The following SLC2A9 variants were observed in gnomAD, a reference collection of about 807,000 sequenced individuals.
The protein encoded by SLC2A9 is solute carrier family 2, facilitated glucose transporter member 9.
In SLC2A9, 39 loss-of-function variants were observed where a neutral mutation model predicts 50.6. The observed-to-expected ratio is 0.77, with a 90% confidence interval of 0.60 to 1.01. The LOEUF is 1.01. SLC2A9 is among the 50% of genes least tolerant of loss of function. The pLI, the probability that SLC2A9 is intolerant of heterozygous loss-of-function variation, is 0.00. For missense variants in SLC2A9, 686 were observed against 677.6 expected (o/e 1.01, Z -0.14); for synonymous variants, 324 against 276.9 (o/e 1.17, Z -1.69).
intron 5 of SLC2A9, among the ~76,000 whole-genome samples, chr4:9,970,680 T>TA (rs57630133): frequency 0.29 from 42,444 of 147,846 alleles, 7,079 homozygotes; most frequent in African/African-American, 0.46. Context: ...GACACAAAAT[T>TA]AAAAAAAAAA....
At chr4:9,816,042 C>T (rs1012100862) in intron 3 of SLC2A9, among the ~76,000 whole-genome samples, 4 of 152,096 alleles carry the variant, frequency 2.6e-5, no homozygotes, top group South Asian at 2.1e-4. Flanking sequence ...TGGTGGCACA[C>T]GCCTGTAATC....
chr4:9,837,235 T>A (rs550507103), intron 10 of SLC2A9, among the ~76,000 whole-genome samples: 8 of 152,368 alleles, frequency 5.3e-5, no homozygotes, highest in East Asian at 3.9e-4. Context: ...TTTGATATGC[T>A]GTTCACTACA....
chr4:9,974,651 T>C (rs973160603), intron 5 of SLC2A9, among the ~76,000 whole-genome samples: 8 of 152,018 alleles, frequency 5.3e-5, no homozygotes, highest in African/African-American at 7.2e-5. Flanking sequence ...ATTAGAACAA[T>C]CAATATCATT....
chr4:9,906,006 G>A (rs1474902947), intron 8 of SLC2A9, among the ~76,000 whole-genome samples: 7 of 152,208 alleles, frequency 4.6e-5, no homozygotes, highest in Admixed American at 1.3e-4. Context: ...GATGTCCATC[G>A]TAGCCTTATG....
At chr4:9,789,586 T>C (rs1444775237) in intron 3 of SLC2A9, among the ~76,000 whole-genome samples, 1 of 152,164 alleles carries the variant, frequency 6.6e-6, no homozygotes, top group African/African-American at 2.4e-5. Context: ...GAGGAAGTTG[T>C]TGATATGAGG....
intron 1 of SLC2A9, among the ~76,000 whole-genome samples, chr4:10,028,236 A>G (rs1763818024): frequency 6.6e-6 from 1 of 152,214 alleles, no homozygotes; most frequent in Admixed American, 6.5e-5. Flanking sequence ...TATGGATTTG[A>G]CAACTTGGGT....
In SLC2A9 at chr4:9,906,469, A is replaced by G. The variant is rs1560279344; in HGVS notation, c.1113+1766T>C. ...AAAAAAATAATAAATAAGAAAATGGAGAGTCATTCTGACATAAGATTATGT... is the reference window on the plus strand; with the variant it reads ...AAAAAAATAATAAATAAGAAAATGGGGAGTCATTCTGACATAAGATTATGT... On this transcript the variant is annotated intron_variant, in intron 8 of 11. Coordinates refer to ENST00000264784, the MANE Select transcript of SLC2A9 (RefSeq NM_020041.3). 2.0e-5 allele frequency among the ~76,000 whole-genome samples: 3 copies of G among 152,360 alleles called. No individual in the cohort carries two copies. The East Asian group carries it at 5.8e-4, about 29-fold the overall frequency.
chr4:9,869,933 A>G (rs1386358686), intron 10 of SLC2A9, among the ~76,000 whole-genome samples: 1 of 152,204 alleles, frequency 6.6e-6, no homozygotes, highest in Non-Finnish European at 1.5e-5. Context: ...TAGGTTAAGG[A>G]TGTTGAGAGG....
chr4:9,952,994 A>G (rs1421698267), intron 5 of SLC2A9, among the ~76,000 whole-genome samples: 2 of 152,206 alleles, frequency 1.3e-5, no homozygotes, highest in African/African-American at 4.8e-5. Context: ...AACAAGCTGT[A>G]ATTCTTGCAT....
intron 9 of SLC2A9, among the ~76,000 whole-genome samples, chr4:9,890,369 T>C (rs1408096960): frequency 6.6e-6 from 1 of 152,152 alleles, no homozygotes; most frequent in Non-Finnish European, 1.5e-5. Flanking sequence ...ATCACACGGC[T>C]CATCAGTGAG....
At chr4:9,808,818 T>C (rs577959075) in intron 3 of SLC2A9, among the ~76,000 whole-genome samples, 34 of 152,312 alleles carry the variant, frequency 2.2e-4, no homozygotes, top group African/African-American at 7.9e-4. Context: ...CTGTCCTATG[T>C]GGACTTGGGG....
At chr4:9,848,154 T>C (rs1049036635) in intron 10 of SLC2A9, among the ~76,000 whole-genome samples, 1 of 152,206 alleles carries the variant, frequency 6.6e-6, no homozygotes, top group African/African-American at 2.4e-5. Flanking sequence ...GCTTAGACTG[T>C]TCCCACTGCT....
At chr4:9,828,873 C>G (rs961756894) in intron 11 of SLC2A9, among the ~76,000 whole-genome samples, 3 of 152,184 alleles carry the variant, frequency 2.0e-5, no homozygotes, top group African/African-American at 7.2e-5. Flanking sequence ...CATCATTTTT[C>G]TTGTATTCCC....
At chr4:9,834,444 T>A (rs185859280) in intron 11 of SLC2A9, among the ~76,000 whole-genome samples, 1 of 152,320 alleles carries the variant, frequency 6.6e-6, no homozygotes, top group East Asian at 1.9e-4. Flanking sequence ...TTCCTACTGA[T>A]CACTGTCACC....
intron 5 of SLC2A9, among the ~76,000 whole-genome samples, chr4:9,956,520 G>A (rs1751320316): frequency 6.6e-6 from 1 of 151,988 alleles, no homozygotes; most frequent in African/African-American, 2.4e-5. Flanking sequence ...AGTATCTTCG[G>A]CCATTCTGAT....
chr4:9,905,662 G>C (rs761114369), intron 8 of SLC2A9, among the ~76,000 whole-genome samples: 1 of 152,218 alleles, frequency 6.6e-6, no homozygotes, highest in African/African-American at 2.4e-5. Flanking sequence ...AGAAGGAGTG[G>C]CTTCTGGAGT....
At chr4:9,908,058 C>T (rs1477047379) in intron 8 of SLC2A9, among the ~76,000 whole-genome samples, 177 bp downstream of exon 8, 1 of 152,194 alleles carries the variant, frequency 6.6e-6, no homozygotes, top group Non-Finnish European at 1.5e-5. Flanking sequence ...TGTCTGGGTT[C>T]TCCCCATCCC....
chr4:9,928,924 G>C (rs544423900), intron 6 of SLC2A9, among the ~76,000 whole-genome samples: 1 of 152,334 alleles, frequency 6.6e-6, no homozygotes, highest in African/African-American at 2.4e-5. Context: ...AAGGACAGTG[G>C]TTGATACTAA....
intron 8 of SLC2A9, among the ~76,000 whole-genome samples, chr4:9,903,444 C>G (rs1330373333): frequency 2.0e-5 from 3 of 152,074 alleles, no homozygotes; most frequent in Non-Finnish European, 4.4e-5. Flanking sequence ...GCCTGAATGA[C>G]GCTCACTGGA....
Sources: gnomAD v4.1 joint callset for allele counts (sites outside exome capture counted in the v4.1 genomes callset) on GRCh38, gnomAD v4.1.1 for gene constraint, MANE v1.5 for transcripts, NCBI Gene and HGNC (gene_info 2026-07-23, HGNC 2026-07-21) for gene names.